Variants in NTF3 observed in about 807,000 individuals in gnomAD.
NTF3 encodes neurotrophin 3.
NTF3 carries 8 observed loss-of-function variants against 26.3 expected under a neutral mutation model. That is an observed-to-expected ratio of 0.30 (90% CI 0.18 to 0.55). The LOEUF (loss-of-function observed/expected upper bound fraction) is 0.55, where lower values mean the gene tolerates loss of function less well. NTF3 is among the 20% of genes least tolerant of loss of function. NTF3 has a pLI of 0.93. For synonymous variants in NTF3, 154 were observed against 145.5 expected (o/e 1.06, Z -0.42); for missense variants, 276 against 352.9 (o/e 0.78, Z 1.75).
chr12:5,435,140 G>A (rs1940150973), intron 1 of NTF3, among the ~76,000 whole-genome samples: 1 of 152,226 alleles, frequency 6.6e-6, no homozygotes, highest in Non-Finnish European at 1.5e-5. Context: ...GCATAAGACT[G>A]AAGTAAGTAG....
intron 1 of NTF3, among the ~76,000 whole-genome samples, chr12:5,434,393 GA>G (rs1267483038): frequency 6.6e-6 from 1 of 152,122 alleles, no homozygotes; most frequent in Admixed American, 6.5e-5. Flanking sequence ...GGTTGTGTGT[GA>G]ATGGGATATG....
intron 1 of NTF3, among the ~76,000 whole-genome samples, chr12:5,458,988 C>T (rs938095232): frequency 6.6e-6 from 1 of 152,156 alleles, no homozygotes; most frequent in African/African-American, 2.4e-5. Context: ...AGACTCTTGA[C>T]GTGCCATGGA....
chr12:5,440,800 C>T (rs1940227130), intron 1 of NTF3, among the ~76,000 whole-genome samples: 1 of 152,258 alleles, frequency 6.6e-6, no homozygotes, highest in African/African-American at 2.4e-5. Context: ...ATCACATCTT[C>T]CATGACTCCG....
At chr12:5,451,935 C>T (rs902240139) in intron 1 of NTF3, among the ~76,000 whole-genome samples, 1 of 152,156 alleles carries the variant, frequency 6.6e-6, no homozygotes, top group Non-Finnish European at 1.5e-5. Context: ...CGAAGCAATC[C>T]TATCACCTTG....
intron 1 of NTF3, among the ~76,000 whole-genome samples, chr12:5,491,228 C>A (rs1940932225): frequency 6.6e-6 from 1 of 152,142 alleles, no homozygotes; most frequent in Non-Finnish European, 1.5e-5. Context: ...CAGCTGCAAA[C>A]CTCTGTGTTT....
chr12:5,482,172 G>A (rs945967537), intron 1 of NTF3, among the ~76,000 whole-genome samples: 1 of 151,814 alleles, frequency 6.6e-6, no homozygotes, highest in African/African-American at 2.4e-5. Context: ...GCGTACACGA[G>A]CGCGCACACA....
At chr12:5,469,117 T>G (rs970398075) in intron 1 of NTF3, among the ~76,000 whole-genome samples, 3 of 150,888 alleles carry the variant, frequency 2.0e-5, no homozygotes, top group African/African-American at 7.3e-5. Flanking sequence ...TGAGATCCTG[T>G]CTCAAAAAAA....
chr12:5,483,081 C>T (rs1325456943), intron 1 of NTF3, among the ~76,000 whole-genome samples: 1 of 151,348 alleles, frequency 6.6e-6, no homozygotes, highest in Admixed American at 6.6e-5. Context: ...TGTTCTCTAT[C>T]CCTCCATCTC....
At chr12:5,487,963 G>C (rs1940887456) in intron 1 of NTF3, among the ~76,000 whole-genome samples, 1 of 152,126 alleles carries the variant, frequency 6.6e-6, no homozygotes, top group African/African-American at 2.4e-5. Flanking sequence ...TCTGATCTTG[G>C]CTCTGTCCCT....
chr12:5,491,800 A>G (rs1371947428), intron 1 of NTF3, among the ~76,000 whole-genome samples: 1 of 146,480 alleles, frequency 6.8e-6, no homozygotes, highest in Non-Finnish European at 1.5e-5. Flanking sequence ...GCTCACTGTA[A>G]GCTCCGCCTC....
intron 1 of NTF3, among the ~76,000 whole-genome samples, chr12:5,481,501 G>GACACGGA (rs1565395257): frequency 8.4e-5 from 1 of 11,934 alleles, no homozygotes; most frequent in Non-Finnish European, 2.0e-4. Context: ...CAGATACACA[G>GACACGGA]AATACCACAC....
chr12:5,443,486 A>G (rs1196358388), intron 1 of NTF3, among the ~76,000 whole-genome samples: 2 of 152,178 alleles, frequency 1.3e-5, no homozygotes, highest in African/African-American at 4.8e-5. Context: ...GAAATGTTCC[A>G]TGCAACCTCT....
At chr12:5,489,624 T>G (rs947062578) in intron 1 of NTF3, among the ~76,000 whole-genome samples, 7 of 152,174 alleles carry the variant, frequency 4.6e-5, no homozygotes, top group Non-Finnish European at 1.5e-5. Context: ...CCCTAAGCAG[T>G]CTAAAAATTT....
chr12:5,479,328 G>A (rs1038018526), intron 1 of NTF3, among the ~76,000 whole-genome samples: 3 of 152,164 alleles, frequency 2.0e-5, no homozygotes, highest in South Asian at 2.1e-4. Flanking sequence ...AGGTGGTTCC[G>A]CTTTGGAAAT....
intron 1 of NTF3, among the ~76,000 whole-genome samples, chr12:5,484,758 G>T (rs904605687): frequency 1.3e-5 from 2 of 152,078 alleles, no homozygotes; most frequent in African/African-American, 4.8e-5. Context: ...TTGCATGCGT[G>T]GGGGATTAAA....
At chr12:5,464,194 A>T (rs552714118) in intron 1 of NTF3, among the ~76,000 whole-genome samples, 9 of 152,336 alleles carry the variant, frequency 5.9e-5, no homozygotes, top group Admixed American at 2.0e-4. Flanking sequence ...ATTTCAGCTC[A>T]GTTCAGCAAA....
At chr12:5,446,818 C>T (rs1013631888) in intron 1 of NTF3, among the ~76,000 whole-genome samples, 1 of 152,176 alleles carries the variant, frequency 6.6e-6, no homozygotes, top group African/African-American at 2.4e-5. Context: ...TCGGTAAGAG[C>T]TTTGGACTTG....
At chr12:5,463,006 A>G (rs141873914) in intron 1 of NTF3, among the ~76,000 whole-genome samples, 63 of 152,302 alleles carry the variant, frequency 4.1e-4, no homozygotes, top group African/African-American at 1.2e-3. Context: ...TGCAGGCAGG[A>G]GGACAGGCTT....
At position 5,432,191 on chromosome 12, in the gene NTF3, C is replaced by T; in HGVS notation, c.-134C>T. The T allele has an allele frequency of 9.4e-7, 1 of 1,062,444 alleles. No individual in the cohort carries two copies. The highest frequency in any genetic ancestry group is 1.4e-6 in the Non-Finnish European group (1 of 692,010). The allele number at this position is 1,062,444 out of a possible 1,614,324, so 65.8% of individuals were successfully genotyped here. ...GCCCGGCGCAACTACTTTCTTCTCT[C>T]TCCTTTCTTTCTTCCTCTCCTTTTT... On this transcript the variant is annotated 5_prime_UTR_variant, in exon 1 of 2. Coordinates refer to ENST00000423158, the MANE Select transcript of NTF3 (RefSeq NM_001102654.2).
Sources: gnomAD v4.1 joint callset for allele counts (sites outside exome capture counted in the v4.1 genomes callset) on GRCh38, gnomAD v4.1.1 for gene constraint, MANE v1.5 for transcripts, NCBI Gene and HGNC (gene_info 2026-07-23, HGNC 2026-07-21) for gene names.